The following SPATA16 variants were observed in gnomAD, a reference collection of about 807,000 sequenced individuals.
The protein encoded by SPATA16 is spermatogenesis-associated protein 16.
In SPATA16, 36 loss-of-function variants were observed where a neutral mutation model predicts 63.3. The observed-to-expected ratio is 0.57, with a 90% CI of 0.44 to 0.75. The LOEUF is 0.75. SPATA16 is among the 30% of genes least tolerant of loss of function. SPATA16 has a pLI of 0.00. For missense variants in SPATA16, 646 were observed against 679.3 expected (o/e 0.95, Z 0.54); for synonymous variants, 203 against 216.7 (o/e 0.94, Z 0.56).
chr3:173,117,896 G>T, intron 1 of SPATA16, 147 bp from the exon 2 acceptor site: 1 of 1,339,634 alleles, frequency 7.5e-7, no homozygotes, highest in Non-Finnish European at 1.0e-6. Flanking sequence ...ATAATCTACT[G>T]ACTATTTTAA....
chr3:172,935,485 T>C (rs1732964243), intron 6 of SPATA16, among the ~76,000 whole-genome samples: 1 of 152,236 alleles, frequency 6.6e-6, no homozygotes, highest in Admixed American at 6.5e-5. Flanking sequence ...TATATAATTT[T>C]GATAAATAAT....
intron 2 of SPATA16, among the ~76,000 whole-genome samples, chr3:173,093,088 T>TAC (rs1737265331): frequency 6.6e-6 from 1 of 151,496 alleles, no homozygotes; most frequent in Non-Finnish European, 1.5e-5. Context: ...TATATATATA[T>TAC]ATGTTTCAAG....
chr3:173,059,832 CTTTTTTTTTTTTTTT>C (rs201000096), intron 2 of SPATA16, among the ~76,000 whole-genome samples: 10 of 71,340 alleles, frequency 1.4e-4, no homozygotes, highest in South Asian at 1.1e-3. Context: ...CATTTGGTAG[CTTTTTTTTTTTTTTT>C]TTTTTTTTTT....
chr3:172,917,453 G>C (rs1280642555), intron 8 of SPATA16, among the ~76,000 whole-genome samples: 1 of 152,198 alleles, frequency 6.6e-6, no homozygotes, highest in Non-Finnish European at 1.5e-5. Flanking sequence ...GCTCAGAAGA[G>C]AAGTGACCAA....
intron 1 of SPATA16, among the ~76,000 whole-genome samples, chr3:173,127,048 C>T (rs1166543974): frequency 6.6e-6 from 1 of 152,090 alleles, no homozygotes; most frequent in Non-Finnish European, 1.5e-5. Context: ...TTAAAAAATT[C>T]ACAAGTTTTT....
chr3:172,993,900 G>A (rs1734639124), intron 4 of SPATA16, among the ~76,000 whole-genome samples: 1 of 152,058 alleles, frequency 6.6e-6, no homozygotes, highest in African/African-American at 2.4e-5. Flanking sequence ...TTATTCTGGT[G>A]GGGATATAAG....
chr3:173,077,276 T>C (rs892845873), intron 2 of SPATA16, among the ~76,000 whole-genome samples: 22 of 152,174 alleles, frequency 1.4e-4, no homozygotes, highest in Admixed American at 2.0e-4. Flanking sequence ...GTTCATAAGT[T>C]AGACTTTCTT....
intron 9 of SPATA16, 132 bp downstream of exon 9, chr3:172,916,185 A>G: frequency 9.0e-7 from 1 of 1,112,622 alleles, no homozygotes; most frequent in Non-Finnish European, 1.3e-6. Flanking sequence ...AGAATGCTTC[A>G]AGAAGGTTTG....
chr3:173,121,550 T>C (rs749910474), intron 1 of SPATA16, among the ~76,000 whole-genome samples: 11 of 152,186 alleles, frequency 7.2e-5, no homozygotes, highest in Non-Finnish European at 1.5e-4. Flanking sequence ...TAGCACCTTT[T>C]TTATTTTTTA....
At chr3:173,063,328 C>A (rs1397386363) in intron 2 of SPATA16, among the ~76,000 whole-genome samples, 2 of 152,078 alleles carry the variant, frequency 1.3e-5, no homozygotes, top group Non-Finnish European at 2.9e-5. Flanking sequence ...TTCACTAATT[C>A]AAGAAGCAGA....
intron 3 of SPATA16, among the ~76,000 whole-genome samples, chr3:173,024,514 G>T (rs1290925926): frequency 6.6e-6 from 1 of 150,740 alleles, no homozygotes; most frequent in Non-Finnish European, 1.5e-5. Context: ...TTGTATTGAT[G>T]AATTAGGTTA....
intron 2 of SPATA16, among the ~76,000 whole-genome samples, chr3:173,063,248 T>C (rs2108301966): frequency 6.6e-6 from 1 of 152,268 alleles, no homozygotes; most frequent in Middle Eastern, 3.4e-3. Flanking sequence ...TGAGCAACAA[T>C]TTAAGGCACT....
At chr3:173,069,694 A>G (rs6807806) in intron 2 of SPATA16, among the ~76,000 whole-genome samples, 28,272 of 152,034 alleles carry the variant, frequency 0.19, 2,974 homozygotes, top group African/African-American at 0.29. Flanking sequence ...AAAGAATACT[A>G]CAGGCCAATA....
intron 2 of SPATA16, among the ~76,000 whole-genome samples, chr3:173,068,172 G>C (rs1418356986): frequency 1.3e-5 from 2 of 152,108 alleles, no homozygotes; most frequent in African/African-American, 4.8e-5. Context: ...ACTAGTAATA[G>C]TAAGTATACA....
rs1276603870 is a variant in SPATA16, at chr3:173,056,745, A to G, written c.613-7651T>C. 2.0e-5 allele frequency among the ~76,000 whole-genome samples: 3 copies of G among 147,244 alleles called. No individual in the cohort carries two copies. In the East Asian group the frequency reaches 6.1e-4, roughly 30 times the overall value. ...AAAAAAAAAAGAAATGTGGTTGAGTATACATTTTTTGGGACATAATCATTT... is the reference window on the plus strand; with the variant it reads ...AAAAAAAAAAGAAATGTGGTTGAGTGTACATTTTTTGGGACATAATCATTT... On this transcript the variant is annotated intron_variant, in intron 2 of 10. Coordinates refer to ENST00000351008, the MANE Select transcript of SPATA16 (RefSeq NM_031955.6).
intron 6 of SPATA16, among the ~76,000 whole-genome samples, chr3:172,941,044 C>A (rs1301846499): frequency 1.3e-5 from 2 of 151,940 alleles, no homozygotes; most frequent in Non-Finnish European, 2.9e-5. Context: ...AAGAGAACTT[C>A]TAGGAGTGGA....
chr3:173,000,668 T>G (rs1350359543), intron 4 of SPATA16, among the ~76,000 whole-genome samples: 1 of 152,138 alleles, frequency 6.6e-6, no homozygotes, highest in South Asian at 2.1e-4. Flanking sequence ...CCTTTACACA[T>G]ATGTGACATC....
intron 10 of SPATA16, among the ~76,000 whole-genome samples, chr3:172,890,039 C>A (rs1190100700): frequency 6.6e-6 from 1 of 152,142 alleles, no homozygotes; most frequent in East Asian, 1.9e-4. Context: ...CCATGGCAAG[C>A]CTTTTCTCCA....
At chr3:172,948,225 A>G (rs1280204072) in intron 6 of SPATA16, among the ~76,000 whole-genome samples, 1 of 152,216 alleles carries the variant, frequency 6.6e-6, no homozygotes, top group Non-Finnish European at 1.5e-5. Context: ...AAACGATTCT[A>G]AAAGCAGCAA....
Sources: allele counts gnomAD v4.1 joint callset (sites outside exome capture counted in the v4.1 genomes callset), GRCh38; gene constraint gnomAD v4.1.1; transcripts MANE v1.5; gene names NCBI Gene and HGNC (gene_info 2026-07-23, HGNC 2026-07-21).